Variants in ADAMTS16 observed in about 807,000 individuals in gnomAD.
ADAMTS16 encodes ADAM metallopeptidase with thrombospondin type 1 motif 16.
A neutral mutation model predicts 145.8 loss-of-function variants in ADAMTS16; 94 were observed. The observed-to-expected ratio is 0.64, with a 90% CI of 0.55 to 0.77. The LOEUF (loss-of-function observed/expected upper bound fraction) is 0.77, where lower values mean the gene tolerates loss of function less well. ADAMTS16 is among the 30% of genes least tolerant of loss of function. The pLI is 0.00. For missense variants in ADAMTS16, 1,585 were observed against 1,591.5 expected, an observed-to-expected ratio of 1.00 and a Z score of 0.07; for synonymous variants, 659 against 604.3, an observed-to-expected ratio of 1.09 and a Z score of -1.33.
chr5:5,255,360 G>A (rs1737746173), intron 17 of ADAMTS16, among the ~76,000 whole-genome samples: 1 of 152,196 alleles, frequency 6.6e-6, no homozygotes, highest in Non-Finnish European at 1.5e-5. Context: ...CAGAGGATTT[G>A]TTGTTTACAA....
intron 17 of ADAMTS16, among the ~76,000 whole-genome samples, chr5:5,261,092 G>C (rs970060715): frequency 6.6e-6 from 1 of 152,158 alleles, no homozygotes; most frequent in African/African-American, 2.4e-5. Context: ...AATATATTGT[G>C]TGTTAATATT....
At chr5:5,259,549 G>A (rs1266332692) in intron 17 of ADAMTS16, among the ~76,000 whole-genome samples, 1 of 152,216 alleles carries the variant, frequency 6.6e-6, no homozygotes, top group Admixed American at 6.5e-5. Context: ...GATTTATTTT[G>A]AGAGCTTCAA....
At chr5:5,299,516 T>G (rs1326858884) in intron 18 of ADAMTS16, among the ~76,000 whole-genome samples, 2 of 11,248 alleles carry the variant, frequency 1.8e-4, no homozygotes, top group Non-Finnish European at 6.0e-4. Context: ...TCATTTTAAT[T>G]TTTTTTTTAA....
At chr5:5,201,212 G>A (rs1279128682) in intron 9 of ADAMTS16, among the ~76,000 whole-genome samples, 2 of 152,114 alleles carry the variant, frequency 1.3e-5, no homozygotes, top group African/African-American at 4.8e-5. Context: ...GGACAAGGGT[G>A]GTGTTCCTGG....
At chr5:5,211,811 A>T (rs1736276442) in intron 10 of ADAMTS16, among the ~76,000 whole-genome samples, 1 of 152,186 alleles carries the variant, frequency 6.6e-6, no homozygotes, top group African/African-American at 2.4e-5. Context: ...CCAACATATT[A>T]CGTAGAAATA....
intron 16 of ADAMTS16, among the ~76,000 whole-genome samples, chr5:5,241,150 A>G (rs1579335067): frequency 9.1e-6 from 1 of 109,960 alleles, no homozygotes; most frequent in Non-Finnish European, 2.2e-5. Context: ...CAGGACACTC[A>G]GGGGAGGGTG....
intron 17 of ADAMTS16, among the ~76,000 whole-genome samples, chr5:5,248,791 A>G (rs894678343): frequency 9.2e-5 from 14 of 152,354 alleles, no homozygotes; most frequent in Middle Eastern, 3.4e-3. Context: ...ACCAGTGGAC[A>G]TATGGCTGTC....
intron 12 of ADAMTS16, among the ~76,000 whole-genome samples, chr5:5,234,485 C>T (rs1737034294): frequency 6.6e-6 from 1 of 152,228 alleles, no homozygotes; most frequent in Non-Finnish European, 1.5e-5. Flanking sequence ...ACAGGCCAGC[C>T]TGCCCTGCTG....
intron 18 of ADAMTS16, among the ~76,000 whole-genome samples, chr5:5,272,295 C>G (rs937394093): frequency 6.6e-6 from 1 of 151,924 alleles, no homozygotes; most frequent in Non-Finnish European, 1.5e-5. Flanking sequence ...CTCCAGTGCT[C>G]CCTGCTCAGA....
intron 18 of ADAMTS16, among the ~76,000 whole-genome samples, chr5:5,267,293 A>G (rs551268401): frequency 2.0e-5 from 3 of 152,324 alleles, no homozygotes; most frequent in Admixed American, 2.0e-4. Flanking sequence ...TGTGTTAATC[A>G]GCTCAATTAG....
At chr5:5,241,965 A>G (rs1472316206) in intron 16 of ADAMTS16, 88 bp from the exon 17 acceptor site, 7 of 1,426,570 alleles carry the variant, frequency 4.9e-6, no homozygotes, top group Admixed American at 4.1e-5. Context: ...TTGATTGATT[A>G]TTGTTTTAAG....
At chr5:5,167,453 A>C (rs886793936) in intron 3 of ADAMTS16, among the ~76,000 whole-genome samples, 2 of 152,214 alleles carry the variant, frequency 1.3e-5, no homozygotes, top group African/African-American at 4.8e-5. Flanking sequence ...GTGTCTTTGG[A>C]ATGTACAGGT....
At chr5:5,173,955 T>C (rs1358481208) in intron 3 of ADAMTS16, among the ~76,000 whole-genome samples, 1 of 152,246 alleles carries the variant, frequency 6.6e-6, no homozygotes, top group Non-Finnish European at 1.5e-5. Flanking sequence ...CTTTTAGTCT[T>C]TCTACTCAAG....
rs188430064 is a variant in ADAMTS16, at chr5:5,251,069, A to G, written c.2662+8878A>G. ...GCCCGGGGCGTCAGCAAGACAGGAT[A>G]TCCACCTTCATGAAGGCTCAAATTT... On this transcript the variant is annotated intron_variant, in intron 17 of 22. Transcript: ENST00000274181. Among the ~76,000 whole-genome samples the G allele has an allele frequency of 3.9e-4, 59 of 152,292 alleles. 1 individual carries two copies. The highest frequency in any genetic ancestry group is 3.4e-3 in the Admixed American group (52 of 15,296).
intron 3 of ADAMTS16, among the ~76,000 whole-genome samples, chr5:5,155,576 G>A (rs926017335): frequency 1.3e-5 from 2 of 152,184 alleles, no homozygotes; most frequent in South Asian, 2.1e-4. Context: ...AAATTCAGAC[G>A]TTTGGAGCTG....
At position 5,320,008 on chromosome 5, in the gene ADAMTS16, C is replaced by T. The variant is rs1320722579; in HGVS notation, c.*870C>T. ...GAGAAGAGTTATGGTTCTATTATAG[C>T]AGACGTCAGCCACACAGCCTATGTG... is the stretch of plus-strand genomic sequence containing the variant. On this transcript the variant is annotated 3_prime_UTR_variant, in exon 23 of 23. Transcript: ENST00000274181. The surrounding 1 kb of genome is among the most constrained non-coding windows in gnomAD (Gnocchi z 5.1). 1 of 442,040 alleles carries T rather than the reference C, an allele frequency of 2.3e-6. No homozygotes were observed. Among genetic ancestry groups the T allele is most frequent in the African/African-American group, 2.0e-5 (1 of 48,852 alleles). The allele number at this position is 442,040 out of a possible 1,614,324, so 27.4% of individuals were successfully genotyped here. A position where few individuals can be genotyped will look rare whatever the true frequency, so the allele number is the denominator to read the frequency against.
intron 5 of ADAMTS16, among the ~76,000 whole-genome samples, chr5:5,186,744 T>C (rs1364897379): frequency 6.6e-6 from 1 of 152,216 alleles, no homozygotes; most frequent in Non-Finnish European, 1.5e-5. Flanking sequence ...TGTGTTTGTG[T>C]CTCAAATTGG....
At chr5:5,220,217 T>C (rs1736556008) in intron 10 of ADAMTS16, among the ~76,000 whole-genome samples, 1 of 148,368 alleles carries the variant, frequency 6.7e-6, no homozygotes, top group Non-Finnish European at 1.5e-5. Flanking sequence ...TAGAGTACAG[T>C]GGTGCCATCT....
chr5:5,175,721 T>C (rs1735174171), intron 3 of ADAMTS16, among the ~76,000 whole-genome samples: 1 of 152,194 alleles, frequency 6.6e-6, no homozygotes, highest in African/African-American at 2.4e-5. Context: ...TGCCCTGGTC[T>C]GGTCTAAATG....
Sources: gnomAD v4.1 joint callset for allele counts (sites outside exome capture counted in the v4.1 genomes callset) on GRCh38, gnomAD v4.1.1 for gene constraint, Gnocchi (gnomAD v3.1) non-coding constraint, MANE v1.5 for transcripts, NCBI Gene and HGNC (gene_info 2026-07-23, HGNC 2026-07-21) for gene names.